The following PCDH15 variants were observed in gnomAD, a reference collection of about 807,000 sequenced individuals.
PCDH15 encodes protocadherin related 15.
PCDH15 carries 129 observed loss-of-function variants against 178.5 expected under a neutral mutation model. That is an observed-to-expected ratio of 0.72 (90% CI 0.63 to 0.84). The LOEUF (loss-of-function observed/expected upper bound fraction) is 0.84. Among genes scored for constraint, PCDH15 ranks in the 40% least tolerant of loss-of-function variants. PCDH15 has a pLI of 0.00. For missense variants in PCDH15, 2,230 were observed against 2,099.9 expected, an observed-to-expected ratio of 1.06 and a Z score of -1.21; for synonymous variants, 800 against 732.0, an observed-to-expected ratio of 1.09 and a Z score of -1.50.
At chr10:54,790,494 C>A (rs1951303722) in intron 1 of PCDH15, among the ~76,000 whole-genome samples, 1 of 151,726 alleles carries the variant, frequency 6.6e-6, no homozygotes, top group Non-Finnish European at 1.5e-5. Flanking sequence ...TCCCATGTGC[C>A]ACATCCCATC....
chr10:55,031,003 A>AC (rs1554824351), intron 2 of PCDH15, among the ~76,000 whole-genome samples: 11,317 of 151,556 alleles, frequency 0.075, 661 homozygotes, highest in African/African-American at 0.15. Context: ...AGAAATGCAG[A>AC]TTTTTTTTTC....
chr10:55,053,565 T>A (rs1189341265), intron 2 of PCDH15, among the ~76,000 whole-genome samples: 2 of 152,220 alleles, frequency 1.3e-5, no homozygotes, highest in African/African-American at 4.8e-5. Context: ...ATACTATAAA[T>A]GCTGGGATCT....
intron 2 of PCDH15, among the ~76,000 whole-genome samples, chr10:55,568,871 C>T (rs1009524125): frequency 6.6e-6 from 1 of 151,966 alleles, no homozygotes; most frequent in Non-Finnish European, 1.5e-5. Flanking sequence ...GCCATGTCCT[C>T]GCTGCATCTG....
At chr10:54,771,115 G>C (rs1324845491) in intron 1 of PCDH15, among the ~76,000 whole-genome samples, 2 of 152,038 alleles carry the variant, frequency 1.3e-5, no homozygotes, top group African/African-American at 4.8e-5. Flanking sequence ...GAACCAGATA[G>C]GTACTTTGAA....
chr10:53,944,718 T>C (rs2086379893), intron 23 of PCDH15, among the ~76,000 whole-genome samples: 1 of 152,200 alleles, frequency 6.6e-6, no homozygotes, highest in African/African-American at 2.4e-5. Context: ...CTGATGTAGC[T>C]TGAGATAGAT....
At chr10:54,028,637 A>G (rs1216309491) in intron 18 of PCDH15, among the ~76,000 whole-genome samples, 1 of 148,924 alleles carries the variant, frequency 6.7e-6, no homozygotes, top group Non-Finnish European at 1.5e-5. Context: ...TGTCCTTTGT[A>G]GGGACATGGA....
At position 54,022,798 on chromosome 10, in the gene PCDH15, A is replaced by G. The variant is rs955742618; in HGVS notation, c.2526+94T>C. 6.7e-6 allele frequency: 8 copies of G among 1,188,214 alleles called. No homozygotes were observed. In the East Asian group the frequency reaches 1.2e-4, roughly 17 times the overall value. 73.6% of individuals were successfully genotyped at this position (1,188,214 alleles called of 1,614,324 possible). ...ATCTGAAATTAAAATCCAACTTGGT[A>G]TGTTGTATTGTTACTTGCTAATTTT... On this transcript the variant is annotated intron_variant, in intron 19 of 37. Coordinates refer to ENST00000644397, the MANE Select transcript of PCDH15 (RefSeq NM_001384140.1).
chr10:55,326,896 C>T (rs1323059824), intron 2 of PCDH15, among the ~76,000 whole-genome samples: 1 of 151,994 alleles, frequency 6.6e-6, no homozygotes, highest in Non-Finnish European at 1.5e-5. Context: ...TTTAAAAATA[C>T]TTTCTAAACA....
At chr10:54,037,444 T>A (rs1386505953) in intron 18 of PCDH15, among the ~76,000 whole-genome samples, 2 of 151,892 alleles carry the variant, frequency 1.3e-5, no homozygotes, top group Non-Finnish European at 2.9e-5. Context: ...GACAAGACCC[T>A]CTATCTGTAT....
intron 2 of PCDH15, among the ~76,000 whole-genome samples, chr10:55,429,098 G>T (rs561170565): frequency 6.6e-6 from 1 of 151,976 alleles, no homozygotes; most frequent in Admixed American, 6.5e-5. Context: ...GTTACAAACA[G>T]GCAATTATCC....
chr10:53,813,433 A>T (rs541473669), intron 35 of PCDH15, among the ~76,000 whole-genome samples: 2 of 152,224 alleles, frequency 1.3e-5, no homozygotes, highest in Non-Finnish European at 2.9e-5. Flanking sequence ...AGAATAACTA[A>T]TATTTAGACA....
chr10:54,542,152 A>T (rs1475182014), intron 2 of PCDH15, among the ~76,000 whole-genome samples: 1 of 152,224 alleles, frequency 6.6e-6, no homozygotes, highest in Non-Finnish European at 1.5e-5. Context: ...GGGATGTTGA[A>T]GCAATTTTCC....
intron 3 of PCDH15, among the ~76,000 whole-genome samples, chr10:54,471,151 ATGT>A (rs1161498045): frequency 6.6e-6 from 1 of 152,212 alleles, no homozygotes; most frequent in Non-Finnish European, 1.5e-5. Flanking sequence ...GCTAGAAAAA[ATGT>A]TATTAAGAAA....
chr10:54,946,902 T>C (rs896765281), intron 2 of PCDH15, among the ~76,000 whole-genome samples: 2 of 151,856 alleles, frequency 1.3e-5, no homozygotes, highest in African/African-American at 4.8e-5. Flanking sequence ...TAAAACACAA[T>C]ATTTGAGAAC....
chr10:55,519,968 T>G (rs1169747418), intron 2 of PCDH15, among the ~76,000 whole-genome samples: 1 of 149,714 alleles, frequency 6.7e-6, no homozygotes, highest in African/African-American at 2.4e-5. Context: ...GCGGGATAAA[T>G]GTACCTAATA....
At chr10:55,547,910 T>TGTGTGTGTGA (rs541144266) in intron 2 of PCDH15, among the ~76,000 whole-genome samples, 6 of 54,530 alleles carry the variant, frequency 1.1e-4, no homozygotes, top group African/African-American at 3.2e-4. Context: ...TGTGTGTGTG[T>TGTGTGTGTGA]GAGAGAGAGA....
intron 5 of PCDH15, among the ~76,000 whole-genome samples, chr10:54,353,901 T>A (rs1944550244): frequency 6.6e-6 from 1 of 152,206 alleles, no homozygotes; most frequent in Non-Finnish European, 1.5e-5. Flanking sequence ...TTACAGAGAA[T>A]GATAAATAAC....
chr10:55,560,946 AATTTT>A (rs1842185402), intron 2 of PCDH15, among the ~76,000 whole-genome samples: 1 of 151,910 alleles, frequency 6.6e-6, no homozygotes, highest in African/African-American at 2.4e-5. Context: ...CAAATTTCAC[AATTTT>A]ATTTTAAGTA....
intron 2 of PCDH15, among the ~76,000 whole-genome samples, chr10:55,150,034 A>G (rs1431862201): frequency 6.7e-6 from 1 of 150,064 alleles, no homozygotes; most frequent in East Asian, 2.0e-4. Context: ...GAGAGAGATA[A>G]AGAAGAGAAG....
Sources: allele counts gnomAD v4.1 joint callset (sites outside exome capture counted in the v4.1 genomes callset), GRCh38; gene constraint gnomAD v4.1.1; transcripts MANE v1.5; gene names NCBI Gene and HGNC (gene_info 2026-07-23, HGNC 2026-07-21).